Variants in NOD2 observed in about 807,000 individuals in gnomAD.
The protein encoded by NOD2 is nucleotide binding oligomerization domain containing 2.
In NOD2, 86 loss-of-function variants were observed where a neutral mutation model predicts 90.9. That is an observed-to-expected ratio of 0.95 (90% CI 0.79 to 1.13). The LOEUF (loss-of-function observed/expected upper bound fraction) is 1.13, where lower values mean the gene tolerates loss of function less well. Among genes scored for constraint, NOD2 ranks in the 50% most tolerant of loss-of-function variants. NOD2 has a pLI of 0.00. For synonymous variants in NOD2, 581 were observed against 554.6 expected (o/e 1.05, Z -0.67); for missense variants, 1,238 against 1,283.8 (o/e 0.96, Z 0.55).
chr16:50,723,493 G>T, intron 9 of NOD2, 109 bp downstream of exon 9: 1 of 911,076 alleles, frequency 1.1e-6, no homozygotes, highest in Non-Finnish European at 1.8e-6. Flanking sequence ...GGATGATTGA[G>T]TGATTGACTG....
chr16:50,729,718 G>A lies in NOD2; in HGVS notation c.2886-100G>A, dbSNP rs1179262088. 6.4e-6 allele frequency: 6 copies of A among 936,916 alleles called. No homozygotes were observed. The Admixed American group carries it at 1.1e-4, about 16-fold the overall frequency. The allele number at this position is 936,916 out of a possible 1,614,324, so 58.0% of individuals were successfully genotyped here. On this transcript the variant is annotated intron_variant, in intron 10 of 11. Transcript: ENST00000647318. ...CAGGATGTGTCTAAGGGACAGGTGG[G>A]CTTCAGTAGACTGGCTAACTCCTGC...
At chr16:50,710,439 G>T in intron 3 of NOD2, 119 bp from the exon 4 acceptor site, 2 of 1,386,898 alleles carry the variant, frequency 1.4e-6, no homozygotes, top group Non-Finnish European at 2.0e-6. Flanking sequence ...CAGGATGGGC[G>T]CCCGCTGGCT....
At chr16:50,730,659 G>T (rs1965422971) in intron 11 of NOD2, among the ~76,000 whole-genome samples, 1 of 152,110 alleles carries the variant, frequency 6.6e-6, no homozygotes, top group South Asian at 2.1e-4. Context: ...CAAAAGAGCT[G>T]GGAACTCTGG....
intron 7 of NOD2, among the ~76,000 whole-genome samples, chr16:50,720,387 T>C (rs191757515): frequency 1.6e-3 from 236 of 152,088 alleles, no homozygotes; most frequent in Non-Finnish European, 2.5e-3. Context: ...AAGGCCCAGG[T>C]ATCAGGAGTT....
intron 2 of NOD2, among the ~76,000 whole-genome samples, chr16:50,702,757 C>T (rs1181841971): frequency 6.6e-6 from 1 of 152,240 alleles, no homozygotes; most frequent in Admixed American, 6.5e-5. Flanking sequence ...AGTGTGACTA[C>T]ACTGTTTCTT....
chr16:50,708,072 C>G (rs1964283057), intron 3 of NOD2, 112 bp downstream of exon 3: 1 of 772,292 alleles, frequency 1.3e-6, no homozygotes. Context: ...TATAGCCTCC[C>G]TATGACTCAA....
intron 11 of NOD2, among the ~76,000 whole-genome samples, chr16:50,731,515 G>A (rs570449079): frequency 6.6e-6 from 1 of 152,266 alleles, no homozygotes; most frequent in Non-Finnish European, 1.5e-5. Flanking sequence ...CTGGCTGGGT[G>A]CAGTGTTGTG....
chr16:50,707,833 A>G (rs758793190), intron 2 of NOD2, 22 bp from the exon 3 acceptor site: 5 of 1,560,932 alleles, frequency 3.2e-6, no homozygotes, highest in African/African-American at 1.4e-5. Context: ...TGGAAGAATA[A>G]TGTCTTCTGC....
chr16:50,718,316 T>C (rs1290724053), intron 6 of NOD2, among the ~76,000 whole-genome samples: 1 of 152,204 alleles, frequency 6.6e-6, no homozygotes, highest in East Asian at 1.9e-4. Flanking sequence ...GGCAGCTGGA[T>C]GTCAGGAGCA....
At chr16:50,703,701 A>AG (rs1035832196) in intron 2 of NOD2, among the ~76,000 whole-genome samples, 7 of 151,800 alleles carry the variant, frequency 4.6e-5, no homozygotes, top group African/African-American at 1.7e-4. Flanking sequence ...AAAAAAAAAA[A>AG]AAGAAAGGTT....
Position 50,711,369 on chromosome 16 carries a change from T to C in NOD2, c.1377T>C (p.Pro459=), listed in dbSNP as rs757216877. 6.2e-7 allele frequency: 1 copy of C among 1,613,754 alleles called. No individual in the cohort carries two copies. The highest frequency in any genetic ancestry group is 8.5e-7 in the Non-Finnish European group (1 of 1,180,026). Residue 459 remains proline, a synonymous_variant, in exon 4 of 12, where the codon CCT becomes CCC. Transcript: ENST00000647318. ...CCCTGCACGGTTTGTGCCACCTGCCTGTCTTCTCATGGATGGTGTCCAAAT... is the reference window on the plus strand; with the variant it reads ...CCCTGCACGGTTTGTGCCACCTGCCCGTCTTCTCATGGATGGTGTCCAAAT... The part of the protein sequence containing the change: ...TSALHGLCHL[P]VFSWMVSKCH...
At position 50,710,939 on chromosome 16, in the gene NOD2, T is replaced by C. The variant is rs369732140; in HGVS notation, c.947T>C (p.Leu316Pro). ...CAGCTGCAGTGCATGGCCAAACCAC[T>C]CTCTGTGCGGACTCTACTCTTTGAG... ...CRQLQCMAKP[L>P]SVRTLLFEHC... The change falls in exon 4 of 12, where the codon CTC becomes CCC. Residue 316 changes from leucine (L) to proline (P), a missense_variant. Around this residue, in one of 3 missense-constraint regions of NOD2, gnomAD observed 567 missense variants for 577.3 expected, o/e 0.98. Coordinates refer to ENST00000647318, the MANE Select transcript of NOD2 (RefSeq NM_001370466.1). 5.7e-5 allele frequency: 92 copies of C among 1,614,012 alleles called. No individual in the cohort carries two copies. The highest frequency in any genetic ancestry group is 1.6e-4 in the Middle Eastern group (1 of 6,084).
Position 50,725,636 on chromosome 16 carries a change from A to T in NOD2, c.2885+64A>T, listed in dbSNP as rs1077861. 766,204 of 1,297,068 alleles carry T rather than the reference A, an allele frequency of 0.59. 240,148 individuals are homozygous for T. Among genetic ancestry groups the T allele is most frequent in the Non-Finnish European group, 0.66 (590,370 of 893,332 alleles). 80.3% of individuals were successfully genotyped at this position (1,297,068 alleles called of 1,614,324 possible). A position where few individuals can be genotyped will look rare whatever the true frequency, so the allele number is the denominator to read the frequency against. ...TGGCCTTTGGAAGGGGCATTTCTGA[A>T]TAAGATCTGGGCCGCTCTCCGCTGG... On this transcript the variant is annotated intron_variant, in intron 10 of 11. Coordinates refer to ENST00000647318, the MANE Select transcript of NOD2 (RefSeq NM_001370466.1).
chr16:50,714,198 G>A (rs1353231038), intron 4 of NOD2, among the ~76,000 whole-genome samples: 1 of 152,144 alleles, frequency 6.6e-6, no homozygotes, highest in Non-Finnish European at 1.5e-5. Flanking sequence ...CTTGATTAGG[G>A]ATGTCCCCGT....
At chr16:50,706,762 T>G (rs1373983480) in intron 2 of NOD2, among the ~76,000 whole-genome samples, 1 of 151,012 alleles carries the variant, frequency 6.6e-6, no homozygotes, top group Non-Finnish European at 1.5e-5. Flanking sequence ...AGTGGTGTGA[T>G]CTCGGCTCAC....
intron 3 of NOD2, among the ~76,000 whole-genome samples, chr16:50,708,368 G>A (rs1335006296): frequency 6.6e-6 from 1 of 152,200 alleles, no homozygotes; most frequent in Non-Finnish European, 1.5e-5. Flanking sequence ...AGTGGATCTA[G>A]AGACTCTGGT....
chr16:50,708,036 T>C, intron 3 of NOD2, 76 bp downstream of exon 3: 1 of 994,700 alleles, frequency 1.0e-6, no homozygotes, highest in Non-Finnish European at 1.6e-6. Context: ...AGAACACACC[T>C]CGGTTAACAT....
At chr16:50,722,764 C>G in intron 8 of NOD2, 59 bp downstream of exon 8, 2 of 1,484,898 alleles carry the variant, frequency 1.3e-6, no homozygotes, top group Admixed American at 1.7e-5. Flanking sequence ...GAGGGAGGAG[C>G]TGGGGCCAGT....
chr16:50,712,416 C>T (rs1484107726), intron 4 of NOD2, 43 bp downstream of exon 4: 1 of 1,609,478 alleles, frequency 6.2e-7, no homozygotes, highest in Non-Finnish European at 8.5e-7. Context: ...GGGGGAGCAC[C>T]ATCAAGGCTA....
Sources: gnomAD v4.1 joint callset for allele counts (sites outside exome capture counted in the v4.1 genomes callset) on GRCh38, gnomAD v4.1.1 for gene constraint, gnomAD v4.1.1 regional missense constraint, MANE v1.5 for transcripts, NCBI Gene and HGNC (gene_info 2026-07-23, HGNC 2026-07-21) for gene names.